The following SCIN variants were observed in gnomAD, a reference collection of about 807,000 sequenced individuals.
SCIN encodes adseverin.
Under a neutral mutation model 91.8 loss-of-function variants are expected in SCIN, and 91 were observed. That is an observed-to-expected ratio of 0.99 (90% CI 0.84 to 1.18). SCIN has a LOEUF of 1.18. Among genes scored for constraint, SCIN ranks in the 50% most tolerant of loss-of-function variants. SCIN has a pLI of 0.00. For synonymous variants in SCIN, 367 were observed against 312.6 expected, an observed-to-expected ratio of 1.17 and a Z score of -1.84; for missense variants, 1,087 against 863.9, an observed-to-expected ratio of 1.26 and a Z score of -3.24.
chr7:12,572,153 C>T (rs1338049609), intron 1 of SCIN, among the ~76,000 whole-genome samples: 2 of 152,084 alleles, frequency 1.3e-5, no homozygotes, highest in Non-Finnish European at 2.9e-5. Flanking sequence ...TTGGCAAACA[C>T]CTGGAACAGG....
intron 9 of SCIN, among the ~76,000 whole-genome samples, chr7:12,630,249 T>C (rs1361564992): frequency 1.3e-5 from 2 of 152,012 alleles, no homozygotes; most frequent in African/African-American, 2.4e-5. Flanking sequence ...GTCTGGGAAC[T>C]CGGAGGTATC....
Position 12,578,909 on chromosome 7 carries a change from G to GTTTTTTTTTTTT in SCIN, c.354+695_354+706dup. Among the ~76,000 whole-genome samples the GTTTTTTTTTTTT allele has an allele frequency of 7.0e-4, 60 of 85,862 alleles. 9 individuals are homozygous for GTTTTTTTTTTTT. Among genetic ancestry groups the GTTTTTTTTTTTT allele is most frequent in the African/African-American group, 1.2e-3 (23 of 19,422 alleles). 56.3% of individuals were successfully genotyped at this position (85,862 alleles called of 152,430 possible). A position where few individuals can be genotyped will look rare whatever the true frequency, so the allele number is the denominator to read the frequency against. ...TAAGGCAGCCTTCAGTATAGGACAG[G>GTTTTTTTTTTTT]TTTTTTTTTTTTTTTGGCATCCTCC... On this transcript the variant is annotated intron_variant, in intron 2 of 15. Transcript: ENST00000297029.
chr7:12,641,055 C>T (rs1274394994), intron 11 of SCIN, among the ~76,000 whole-genome samples: 1 of 152,132 alleles, frequency 6.6e-6, no homozygotes, highest in Non-Finnish European at 1.5e-5. Context: ...CCAGCCTGCC[C>T]AGGTTTTTAA....
At chr7:12,627,260 G>C (rs778779620) in intron 8 of SCIN, among the ~76,000 whole-genome samples, 1 of 151,846 alleles carries the variant, frequency 6.6e-6, no homozygotes, top group Non-Finnish European at 1.5e-5. Flanking sequence ...GACCCTTTCC[G>C]TCATCTTGGC....
At chr7:12,599,208 CTT>C (rs1341672451) in intron 3 of SCIN, among the ~76,000 whole-genome samples, 1 of 152,114 alleles carries the variant, frequency 6.6e-6, no homozygotes, top group Non-Finnish European at 1.5e-5. Flanking sequence ...GAAAACTTGA[CTT>C]TTAAATTCTG....
Position 12,626,749 on chromosome 7 carries a change from C to T in SCIN, c.1147C>T (p.Gln383Ter). 1.2e-6 allele frequency: 2 copies of T among 1,610,754 alleles called. No individual in the cohort carries two copies. Among genetic ancestry groups the T allele is most frequent in the East Asian group, 2.2e-5 (1 of 44,746 alleles). The change falls in exon 8 of 16, where the codon CAG becomes TAG. Residue 383 changes from glutamine to a stop codon, truncating the protein, a stop_gained. Transcript: ENST00000297029. LOFTEE classifies it high-confidence loss of function. ...FDASKLHSSP[Q>*]MAAQHNMVDD... ...TGCCTCAAAATTACACAGTTCTCCGCAGATGGCAGCCCAGCACAATATGGT... is the reference window on the plus strand; with the variant it reads ...TGCCTCAAAATTACACAGTTCTCCGTAGATGGCAGCCCAGCACAATATGGT...
rs993009110 is a variant in SCIN, at chr7:12,653,080, G to A, written c.*365G>A. Reference sequence around the variant, plus strand: ...GGATTGCGCCACCACACTCCAGCCTGGGCAACAGAGACTCTGTCTCAAAAA... The same window carrying A: ...GGATTGCGCCACCACACTCCAGCCTAGGCAACAGAGACTCTGTCTCAAAAA... On this transcript the variant is annotated 3_prime_UTR_variant, in exon 16 of 16. Transcript: ENST00000297029. The surrounding 1 kb of genome is among the most constrained non-coding windows in gnomAD (Gnocchi z 4.1). 6 of 151,976 alleles carry A rather than the reference G, an allele frequency of 3.9e-5. No homozygotes were observed. Among genetic ancestry groups the A allele is most frequent in the African/African-American group, 1.5e-4 (6 of 39,608 alleles). 9.4% of individuals were successfully genotyped at this position (151,976 alleles called of 1,614,324 possible).
At chr7:12,599,124 A>G (rs1172668013) in intron 3 of SCIN, among the ~76,000 whole-genome samples, 1 of 152,212 alleles carries the variant, frequency 6.6e-6, no homozygotes, top group Non-Finnish European at 1.5e-5. Flanking sequence ...AACACAGGTC[A>G]TTCATTTTCA....
intron 3 of SCIN, among the ~76,000 whole-genome samples, chr7:12,595,334 A>G (rs563514927): frequency 6.6e-6 from 1 of 152,228 alleles, no homozygotes; most frequent in African/African-American, 2.4e-5. Flanking sequence ...GGCGTAACTT[A>G]GGTTTATCCA....
chr7:12,606,168 G>C (rs2115252177), intron 4 of SCIN, among the ~76,000 whole-genome samples: 1 of 152,254 alleles, frequency 6.6e-6, no homozygotes, highest in South Asian at 2.1e-4. Context: ...CTACTTCCTT[G>C]TACGAGCACT....
At chr7:12,581,285 T>G in intron 3 of SCIN, 64 bp downstream of exon 3, 1 of 1,452,718 alleles carries the variant, frequency 6.9e-7, no homozygotes, top group South Asian at 1.3e-5. Flanking sequence ...TCAAATCATA[T>G]GTACATGTCA....
intron 3 of SCIN, among the ~76,000 whole-genome samples, chr7:12,584,286 A>G (rs1289030677): frequency 6.6e-6 from 1 of 152,242 alleles, no homozygotes; most frequent in Non-Finnish European, 1.5e-5. Context: ...AAAGGATGCC[A>G]GTGCAGTTTC....
chr7:12,578,241 AT>A (rs1562593541), intron 2 of SCIN, 23 bp downstream of exon 2: 1 of 1,537,350 alleles, frequency 6.5e-7, no homozygotes, highest in Admixed American at 2.0e-5. Context: ...CTCAGTTTCC[AT>A]TATGAATCCC....
intron 11 of SCIN, among the ~76,000 whole-genome samples, chr7:12,642,164 C>A (rs566716780): frequency 6.6e-6 from 1 of 151,924 alleles, no homozygotes; most frequent in South Asian, 2.1e-4. Context: ...ATGTTTATTA[C>A]ATAGACTATT....
chr7:12,630,716 A>G (rs938603057), intron 9 of SCIN, among the ~76,000 whole-genome samples: 3 of 152,220 alleles, frequency 2.0e-5, no homozygotes, highest in Non-Finnish European at 2.9e-5. Flanking sequence ...TTTCTTTCCA[A>G]AAAGAGTGGA....
chr7:12,588,569 A>G (rs953596165), intron 3 of SCIN, among the ~76,000 whole-genome samples: 19 of 151,962 alleles, frequency 1.3e-4, no homozygotes, highest in Admixed American at 3.9e-4. Context: ...AGGGTTTTAT[A>G]TGGGGGAGAG....
rs1459612370 is a variant in SCIN, at chr7:12,613,603, G to A, written c.666+8940G>A. On this transcript the variant is annotated intron_variant, in intron 4 of 15. Transcript: ENST00000297029. The stretch of plus-strand genomic sequence containing the variant: ...TGCTTCCAAGTACTGTTTTTCCAGA[G>A]CCTAGAATCACAGAGTGTTGGAACT... Among the ~76,000 whole-genome samples, 5 of 152,220 alleles carry A rather than the reference G, an allele frequency of 3.3e-5. No homozygotes were observed. The East Asian group carries it at 9.6e-4, about 29-fold the overall frequency.
chr7:12,647,531 G>C (rs1367557040), intron 13 of SCIN, among the ~76,000 whole-genome samples: 2 of 152,186 alleles, frequency 1.3e-5, no homozygotes, highest in Admixed American at 6.5e-5. Context: ...CTGGGCTGTA[G>C]TTGTCTCAAC....
At chr7:12,604,313 T>G (rs1468369328) in intron 3 of SCIN, among the ~76,000 whole-genome samples, 2 of 152,166 alleles carry the variant, frequency 1.3e-5, no homozygotes, top group African/African-American at 2.4e-5. Context: ...ATATTTATAT[T>G]TTCCATGCTT....
Sources: gnomAD v4.1 joint callset for allele counts (sites outside exome capture counted in the v4.1 genomes callset) on GRCh38, gnomAD v4.1.1 for gene constraint, Gnocchi (gnomAD v3.1) non-coding constraint, MANE v1.5 for transcripts, NCBI Gene and HGNC (gene_info 2026-07-23, HGNC 2026-07-21) for gene names.